The following GRHL2 variants were observed in gnomAD, a reference collection of about 807,000 sequenced individuals.
GRHL2 encodes grainyhead-like protein 2 homolog.
Under a neutral mutation model 83.8 loss-of-function variants are expected in GRHL2, and 21 were observed. The observed-to-expected ratio is 0.25, with a 90% CI of 0.18 to 0.36. The LOEUF (loss-of-function observed/expected upper bound fraction) is 0.36, where lower values mean the gene tolerates loss of function less well. GRHL2 is among the 10% of genes least tolerant of loss of function. GRHL2 has a pLI of 1.00. For synonymous variants in GRHL2, 280 were observed against 278.9 expected, an observed-to-expected ratio of 1.00 and a Z score of -0.04; for missense variants, 623 against 781.8, an observed-to-expected ratio of 0.80 and a Z score of 2.42.
At chr8:101,598,653 T>A (rs1196496840) in intron 7 of GRHL2, among the ~76,000 whole-genome samples, 3 of 149,940 alleles carry the variant, frequency 2.0e-5, no homozygotes, top group East Asian at 3.9e-4. Context: ...AACAGAATAT[T>A]CTGTTCTACA....
At chr8:101,522,279 T>C (rs1042331149) in intron 1 of GRHL2, among the ~76,000 whole-genome samples, 1 of 151,768 alleles carries the variant, frequency 6.6e-6, no homozygotes, top group Admixed American at 6.6e-5. Context: ...AGAAAAAAAA[T>C]AATAACAATA....
chr8:101,609,366 C>T (rs1432609276), intron 8 of GRHL2, among the ~76,000 whole-genome samples: 1 of 150,874 alleles, frequency 6.6e-6, no homozygotes, highest in African/African-American at 2.5e-5. Context: ...CAACCCAGGT[C>T]CACTGAATTA....
At chr8:101,620,241 T>G (rs1225795027) in intron 9 of GRHL2, among the ~76,000 whole-genome samples, 1 of 152,154 alleles carries the variant, frequency 6.6e-6, no homozygotes, top group Non-Finnish European at 1.5e-5. Context: ...TCCCCAAAAT[T>G]TCATCTACAA....
chr8:101,492,917 G>A, intron 1 of GRHL2, 128 bp downstream of exon 1: 3 of 869,190 alleles, frequency 3.5e-6, no homozygotes, highest in Non-Finnish European at 5.8e-6. Context: ...TTTTCTTTTT[G>A]GTGGATCCAG....
At chr8:101,633,024 A>G (rs141127237) in intron 11 of GRHL2, among the ~76,000 whole-genome samples, 250 of 152,338 alleles carry the variant, frequency 1.6e-3, no homozygotes, top group African/African-American at 5.7e-3. Context: ...ACATAGCAAC[A>G]TGGGACCTAG....
At chr8:101,592,282 T>C (rs551185089) in intron 7 of GRHL2, among the ~76,000 whole-genome samples, 1 of 151,984 alleles carries the variant, frequency 6.6e-6, no homozygotes, top group South Asian at 2.1e-4. Context: ...TTTTTGTATT[T>C]TCAGTAGAGA....
At chr8:101,574,510 C>A (rs1379956362) in intron 6 of GRHL2, among the ~76,000 whole-genome samples, 1 of 152,252 alleles carries the variant, frequency 6.6e-6, no homozygotes, top group Admixed American at 6.5e-5. Context: ...CTTTCCTGAT[C>A]TGTTGTAAAA....
chr8:101,580,728 G>C (rs1812034261), intron 7 of GRHL2, among the ~76,000 whole-genome samples: 1 of 151,894 alleles, frequency 6.6e-6, no homozygotes, highest in South Asian at 2.1e-4. Context: ...TTTTGAGACG[G>C]CATCTTGCTC....
At chr8:101,565,542 A>G (rs979866706) in intron 4 of GRHL2, among the ~76,000 whole-genome samples, 3 of 152,156 alleles carry the variant, frequency 2.0e-5, no homozygotes, top group Admixed American at 6.6e-5. Flanking sequence ...ATCTTGTGAC[A>G]TTATCATCTC....
intron 7 of GRHL2, among the ~76,000 whole-genome samples, chr8:101,585,629 T>C (rs892188103): frequency 1.3e-5 from 2 of 152,208 alleles, no homozygotes; most frequent in Non-Finnish European, 2.9e-5. Flanking sequence ...GTGTAAGACA[T>C]GCTCTGTTTT....
At chr8:101,560,529 G>A (rs1811587601) in intron 4 of GRHL2, among the ~76,000 whole-genome samples, 1 of 152,180 alleles carries the variant, frequency 6.6e-6, no homozygotes, top group African/African-American at 2.4e-5. Flanking sequence ...AATACCTAGA[G>A]CTGGAATTGC....
intron 9 of GRHL2, among the ~76,000 whole-genome samples, chr8:101,628,570 T>A (rs1813125037): frequency 2.0e-5 from 3 of 152,144 alleles, no homozygotes; most frequent in Admixed American, 2.0e-4. Context: ...TTTTCCAGTC[T>A]TTTTATTTAA....
At chr8:101,515,022 TTTCCTTCC>T (rs758781328) in intron 1 of GRHL2, among the ~76,000 whole-genome samples, 2 of 148,224 alleles carry the variant, frequency 1.3e-5, no homozygotes, top group East Asian at 1.9e-4. Flanking sequence ...CCCCCTTCAT[TTTCCTTCC>T]TTCCTTCCTT....
intron 12 of GRHL2, among the ~76,000 whole-genome samples, chr8:101,638,191 C>T (rs998463864): frequency 6.6e-6 from 1 of 152,138 alleles, no homozygotes; most frequent in African/African-American, 2.4e-5. Flanking sequence ...CTTCCCTATT[C>T]TTATATAATT....
In GRHL2 at chr8:101,573,726, G is replaced by T; in HGVS notation, c.793G>T (p.Gly265Cys). The T allele has an allele frequency of 6.2e-7, 1 of 1,614,062 alleles. No individual in the cohort carries two copies. Among genetic ancestry groups the T allele is most frequent in the Non-Finnish European group, 8.5e-7 (1 of 1,180,010 alleles). ...ATCTCTCCGTCAGAAGCAGGGGGAG[G>T]GCCCCATGACCTACCTCAACAAAGG... ...TKSLRQKQGEGPMTYLNKGQF... is the reference protein window; with the variant it reads ...TKSLRQKQGECPMTYLNKGQF... Residue 265 changes from glycine to cysteine, a missense_variant, in exon 6 of 16, where the codon GGC (glycine) becomes TGC (cysteine). This residue lies in a region of GRHL2 where 96 missense variants were observed against 144.8 expected (regional missense o/e 0.66). Transcript: ENST00000646743.
chr8:101,508,181 C>T (rs1054229937), intron 1 of GRHL2, among the ~76,000 whole-genome samples: 3 of 152,162 alleles, frequency 2.0e-5, no homozygotes, highest in Non-Finnish European at 4.4e-5. Flanking sequence ...AAAAGGTACG[C>T]ACTTTTTGAA....
intron 8 of GRHL2, among the ~76,000 whole-genome samples, chr8:101,615,747 A>G (rs1326547674): frequency 6.6e-6 from 1 of 152,114 alleles, no homozygotes. Context: ...TTAGAGCACC[A>G]TCGTATATTC....
intron 3 of GRHL2, among the ~76,000 whole-genome samples, chr8:101,553,906 G>A (rs367990244): frequency 6.6e-6 from 1 of 152,080 alleles, no homozygotes; most frequent in Non-Finnish European, 1.5e-5. Context: ...GATTACAGGT[G>A]TGGGCCACCG....
chr8:101,652,868 T>TA (rs558865423), intron 14 of GRHL2, among the ~76,000 whole-genome samples: 254 of 152,278 alleles, frequency 1.7e-3, no homozygotes, highest in Non-Finnish European at 2.7e-3. Flanking sequence ...ACAGTTAAAT[T>TA]AGCCTTTGTT....
Sources: allele counts gnomAD v4.1 joint callset (sites outside exome capture counted in the v4.1 genomes callset), GRCh38; gene constraint gnomAD v4.1.1; regional missense constraint gnomAD v4.1.1; transcripts MANE v1.5; gene names NCBI Gene and HGNC (gene_info 2026-07-23, HGNC 2026-07-21).